The following SPECC1L variants were observed in gnomAD, a reference collection of about 807,000 sequenced individuals.
SPECC1L encodes the protein cytospin-A.
SPECC1L carries 40 observed loss-of-function variants against 116.8 expected under a neutral mutation model. The observed-to-expected ratio is 0.34, with a 90% CI of 0.27 to 0.45. The LOEUF (loss-of-function observed/expected upper bound fraction) is 0.45. SPECC1L is among the 20% of genes least tolerant of loss of function. SPECC1L has a pLI of 1.00. For missense variants in SPECC1L, 1,110 were observed against 1,373.6 expected (o/e 0.81, Z 3.03); for synonymous variants, 504 against 500.6 (o/e 1.01, Z -0.09).
intron 13 of SPECC1L, 29 bp downstream of exon 13, chr22:24,365,661 C>T (rs1200684025): frequency 9.3e-6 from 15 of 1,612,290 alleles, no homozygotes; most frequent in East Asian, 6.7e-5. Context: ...TCATGCATTT[C>T]GTGTGTACCT....
chr22:24,311,804 C>CAAAAAAAAAAAAAA (rs915422222), intron 3 of SPECC1L, among the ~76,000 whole-genome samples: 1 of 46,568 alleles, frequency 2.1e-5, no homozygotes. Context: ...GACTTTGTCT[C>CAAAAAAAAAAAAAA]AAAAAAAAAA....
chr22:24,274,785 C>G (rs2048799945), intron 1 of SPECC1L, among the ~76,000 whole-genome samples: 1 of 152,200 alleles, frequency 6.6e-6, no homozygotes, highest in African/African-American at 2.4e-5. Flanking sequence ...GTAATAAGGT[C>G]TCCTTAGCTT....
At chr22:24,410,585 A>G (rs900194888) in intron 14 of SPECC1L, among the ~76,000 whole-genome samples, 2 of 152,258 alleles carry the variant, frequency 1.3e-5, no homozygotes, top group Non-Finnish European at 2.9e-5. Flanking sequence ...AAATTGCCTC[A>G]TCAAAGACAT....
chr22:24,355,260 C>T (rs556815817), intron 11 of SPECC1L, among the ~76,000 whole-genome samples: 9 of 112,442 alleles, frequency 8.0e-5, no homozygotes, highest in African/African-American at 2.8e-4. Flanking sequence ...TCCAGCTTGG[C>T]AACAGAGTGA....
Position 24,275,786 on chromosome 22 carries a change from G to A in SPECC1L, c.-141-914G>A, listed in dbSNP as rs532165266. Reference sequence around the variant, plus strand: ...GCTGGAGAGGTGATCACAGCTCACCGTAGCCTTGAACTCCTGGGTTCAAGG... The same window carrying A: ...GCTGGAGAGGTGATCACAGCTCACCATAGCCTTGAACTCCTGGGTTCAAGG... On this transcript the variant is annotated intron_variant, in intron 1 of 16. Transcript: ENST00000314328. 4.6e-5 allele frequency among the ~76,000 whole-genome samples: 7 copies of A among 152,196 alleles called. No individual in the cohort carries two copies. In the East Asian group the frequency reaches 9.6e-4, roughly 21 times the overall value.
chr22:24,371,166 A>G (rs1422951887), intron 14 of SPECC1L, among the ~76,000 whole-genome samples: 5 of 152,238 alleles, frequency 3.3e-5, no homozygotes, highest in Admixed American at 6.5e-5. Context: ...GGAATAGAAG[A>G]CTTGAATAGT....
intron 14 of SPECC1L, among the ~76,000 whole-genome samples, chr22:24,376,318 A>G (rs1026990178): frequency 6.6e-6 from 1 of 152,202 alleles, no homozygotes; most frequent in African/African-American, 2.4e-5. Flanking sequence ...AGGCCATCAC[A>G]TCCAGCTTAT....
At chr22:24,310,601 C>CTG (rs140819037) in intron 3 of SPECC1L, among the ~76,000 whole-genome samples, 2,209 of 151,274 alleles carry the variant, frequency 0.015, 58 homozygotes, top group African/African-American at 0.05. Flanking sequence ...ATCATTTTCT[C>CTG]TGTGTGTGTG....
chr22:24,409,022 C>T (rs1215598727), intron 14 of SPECC1L, among the ~76,000 whole-genome samples: 1 of 152,218 alleles, frequency 6.6e-6, no homozygotes, highest in Non-Finnish European at 1.5e-5. Flanking sequence ...TCCCATGGCC[C>T]CCACCTGCCC....
intron 2 of SPECC1L, among the ~76,000 whole-genome samples, chr22:24,294,407 A>C (rs911656767): frequency 7.1e-6 from 1 of 140,388 alleles, no homozygotes; most frequent in Admixed American, 7.3e-5. Flanking sequence ...TTTGAGATGG[A>C]GTCTCACTTT....
chr22:24,371,706 CATTGATTGATTGATTG>C (rs534337556), intron 14 of SPECC1L, among the ~76,000 whole-genome samples: 1 of 152,082 alleles, frequency 6.6e-6, no homozygotes, highest in Non-Finnish European at 1.5e-5. Context: ...AGGGGATTGA[CATTGATTGATTGATTG>C]ATTGATTGAT....
In SPECC1L at chr22:24,373,334, A is replaced by G. The variant is rs149622488; in HGVS notation, c.3087+4014A>G. Among the ~76,000 whole-genome samples, 1,108 of 152,346 alleles carry G rather than the reference A, an allele frequency of 7.3e-3. 14 individuals are homozygous for G. Among genetic ancestry groups the G allele is most frequent in the African/African-American group, 0.024 (994 of 41,580 alleles). ...ATTGCCAAGTCAATCCTAAGCCAAAAGAACAAAGCTGGAGGCATCACACTA... is the reference window on the plus strand; with the variant it reads ...ATTGCCAAGTCAATCCTAAGCCAAAGGAACAAAGCTGGAGGCATCACACTA... On this transcript the variant is annotated intron_variant, in intron 14 of 16. Coordinates refer to ENST00000314328, the MANE Select transcript of SPECC1L (RefSeq NM_015330.6).
chr22:24,285,486 C>T (rs1008828478), intron 2 of SPECC1L, among the ~76,000 whole-genome samples: 7 of 152,146 alleles, frequency 4.6e-5, no homozygotes, highest in Non-Finnish European at 1.5e-5. Flanking sequence ...ATATTCTACC[C>T]AACCAGTCTG....
At position 24,305,982 on chromosome 22, in the gene SPECC1L, C is replaced by T. The variant is rs181272571; in HGVS notation, c.153+3598C>T. ...TGTTGCCCAGGCTGGAGTGCAATGG[C>T]GCCATCTCCGCCTCCCGGGTTCAAG... On this transcript the variant is annotated intron_variant, in intron 3 of 16. Coordinates refer to ENST00000314328, the MANE Select transcript of SPECC1L (RefSeq NM_015330.6). 2.1e-3 allele frequency among the ~76,000 whole-genome samples: 312 copies of T among 151,182 alleles called. 1 individual carries two copies. The highest frequency in any genetic ancestry group is 7.2e-3 in the African/African-American group (296 of 41,180).
intron 14 of SPECC1L, among the ~76,000 whole-genome samples, chr22:24,374,979 A>G (rs902319319): frequency 5.9e-5 from 9 of 152,128 alleles, no homozygotes; most frequent in African/African-American, 1.9e-4. Context: ...GACTAAAGTT[A>G]CCAAAATCAG....
intron 11 of SPECC1L, among the ~76,000 whole-genome samples, chr22:24,358,030 T>G (rs1437308913): frequency 6.6e-6 from 1 of 152,148 alleles, no homozygotes; most frequent in African/African-American, 2.4e-5. Flanking sequence ...ATGGCTCACT[T>G]TCTTTTTTCT....
chr22:24,286,296 T>A (rs1011310399), intron 2 of SPECC1L, among the ~76,000 whole-genome samples: 5 of 152,230 alleles, frequency 3.3e-5, no homozygotes, highest in Non-Finnish European at 7.3e-5. Context: ...GTTTACTTTT[T>A]AAAAATGAGA....
intron 5 of SPECC1L, 62 bp downstream of exon 5, chr22:24,322,980 T>C (rs2040750701): frequency 1.5e-5 from 24 of 1,595,692 alleles, no homozygotes; most frequent in Non-Finnish European, 1.8e-5. Flanking sequence ...GCACAGTGTT[T>C]ACTGAGAACC....
intron 16 of SPECC1L, among the ~76,000 whole-genome samples, chr22:24,412,969 G>C (rs2042729871): frequency 6.6e-6 from 1 of 152,196 alleles, no homozygotes; most frequent in Non-Finnish European, 1.5e-5. Context: ...CTGAGACCAT[G>C]GGCCCAGCCA....
Sources: allele counts gnomAD v4.1 joint callset (sites outside exome capture counted in the v4.1 genomes callset), GRCh38; gene constraint gnomAD v4.1.1; transcripts MANE v1.5; gene names NCBI Gene and HGNC (gene_info 2026-07-23, HGNC 2026-07-21).